Variants in RAB11FIP1 observed in about 807,000 individuals in gnomAD.
The protein encoded by RAB11FIP1 is RAB11 family interacting protein 1, also known as rab11 family-interacting protein 1.
RAB11FIP1 carries 49 observed loss-of-function variants against 83.1 expected under a neutral mutation model. The ratio of observed to expected loss-of-function variants is 0.59; its 90% confidence interval spans 0.47 to 0.75. RAB11FIP1 has a LOEUF of 0.75. Among genes scored for constraint, RAB11FIP1 ranks in the 30% least tolerant of loss-of-function variants. The pLI, the probability that RAB11FIP1 is intolerant of heterozygous loss-of-function variation, is 0.00. For missense variants in RAB11FIP1, 1,536 were observed against 1,598.7 expected (o/e 0.96, Z 0.67); for synonymous variants, 670 against 656.0 (o/e 1.02, Z -0.33).
Position 37,872,456 on chromosome 8 carries a change from AGG to A in RAB11FIP1, c.2344_2345del (p.Pro782PhefsTer3). 54 of 1,614,136 alleles carry A rather than the reference AGG, an allele frequency of 3.3e-5. No individual in the cohort carries two copies. The highest frequency in any genetic ancestry group is 4.6e-5 in the Non-Finnish European group (54 of 1,180,032). On this transcript the variant is annotated frameshift_variant, in exon 4 of 6. Transcript: ENST00000330843. LOFTEE classifies it high-confidence loss of function. Reference protein sequence around the residue: ...APPLPMGASVPSIDSMMRKLE... With the variant: ...APPLPMGASVXSIDSMMRKLE... ...GCTTCCGCATCATGGAATCAATGGA[AGG>A]GACTGATGCTCCCATGGGAAGAGGG...
intron 1 of RAB11FIP1, among the ~76,000 whole-genome samples, chr8:37,889,791 C>A (rs1040958022): frequency 6.6e-6 from 1 of 151,994 alleles, no homozygotes; most frequent in Admixed American, 6.6e-5. Flanking sequence ...ACACCAAAAG[C>A]ATTTCTTTTT....
Position 37,872,176 on chromosome 8 carries a change from C to T in RAB11FIP1, c.2626G>A (p.Gly876Ser). 1 of 1,614,000 alleles carries T rather than the reference C, an allele frequency of 6.2e-7. No homozygotes were observed. The highest frequency in any genetic ancestry group is 8.5e-7 in the Non-Finnish European group (1 of 1,179,986). Residue 876 changes from glycine to serine, a missense_variant, in exon 4 of 6, where the codon GGT (glycine) becomes AGT (serine). Transcript: ENST00000330843. ...TGATCCGCTGGGGAGGCTGGCGCACCACACGTCGCTGGCCCAGGTGTGGTC... is the reference window on the plus strand; with the variant it reads ...TGATCCGCTGGGGAGGCTGGCGCACTACACGTCGCTGGCCCAGGTGTGGTC... ...SVTTPGPATC[G>S]APASPADHLL... is the part of the protein sequence containing the mutation.
intron 5 of RAB11FIP1, among the ~76,000 whole-genome samples, chr8:37,864,931 CTTTTTT>C (rs10544799): frequency 6.9e-6 from 1 of 145,560 alleles, no homozygotes; most frequent in Admixed American, 6.8e-5. Flanking sequence ...TACTTAATGC[CTTTTTT>C]TTTTTTTTTT....
At chr8:37,890,072 T>A (rs1806915487) in intron 1 of RAB11FIP1, among the ~76,000 whole-genome samples, 1 of 152,212 alleles carries the variant, frequency 6.6e-6, no homozygotes, top group Non-Finnish European at 1.5e-5. Flanking sequence ...GGCATGAGCC[T>A]GGCCTCACCA....
chr8:37,861,812 C>T lies in RAB11FIP1; in HGVS notation c.*1083G>A. 2 of 325,730 alleles carry T rather than the reference C, an allele frequency of 6.1e-6. No individual in the cohort carries two copies. Among genetic ancestry groups the T allele is most frequent in the Non-Finnish European group, 1.2e-5 (2 of 168,008 alleles). 20.2% of individuals were successfully genotyped at this position (325,730 alleles called of 1,614,324 possible). ...CCATGTTGGTCAGGCTGGTCTCGAA[C>T]TCCTGACCTCAAGTGATCCACCCTC... is the stretch of plus-strand genomic sequence containing the variant. On this transcript the variant is annotated 3_prime_UTR_variant, in exon 6 of 6. Coordinates refer to ENST00000330843, the MANE Select transcript of RAB11FIP1 (RefSeq NM_001002814.3).
intron 3 of RAB11FIP1, among the ~76,000 whole-genome samples, chr8:37,874,295 T>C (rs971790244): frequency 6.6e-6 from 1 of 152,226 alleles, no homozygotes; most frequent in Non-Finnish European, 1.5e-5. Flanking sequence ...AGACCATGCC[T>C]GCTGGGCAGT....
At chr8:37,875,922 T>C (rs1236435264) in intron 2 of RAB11FIP1, among the ~76,000 whole-genome samples, 1 of 152,140 alleles carries the variant, frequency 6.6e-6, no homozygotes, top group Non-Finnish European at 1.5e-5. Flanking sequence ...TATACATTCT[T>C]AGAAACCAGA....
At position 37,872,006 on chromosome 8, in the gene RAB11FIP1, A is replaced by G; in HGVS notation, c.2796T>C (p.Gly932=). Residue 932 remains glycine (G), a synonymous_variant, in exon 4 of 6, where the codon GGT becomes GGC. Coordinates refer to ENST00000330843, the MANE Select transcript of RAB11FIP1 (RefSeq NM_001002814.3). The part of the protein sequence containing the change: ...QYQSKASDHE[G]LLSDPLSDLQ... The stretch of plus-strand genomic sequence containing the variant: ...GGTCACTCAAGGGGTCAGACAATAA[A>G]CCTTCGTGGTCACTGGCTTTGCTCT... The G allele has an allele frequency of 6.2e-7, 1 of 1,613,948 alleles. No individual in the cohort carries two copies. The highest frequency in any genetic ancestry group is 8.5e-7 in the Non-Finnish European group (1 of 1,179,982).
Position 37,872,004 on chromosome 8 carries a change from A to C in RAB11FIP1, c.2798T>G (p.Leu933Ter). 6.2e-7 allele frequency: 1 copy of C among 1,614,168 alleles called. No individual in the cohort carries two copies. The highest frequency in any genetic ancestry group is 8.5e-7 in the Non-Finnish European group (1 of 1,180,032). Residue 933 changes from leucine to a stop codon, truncating the protein, a stop_gained, in exon 4 of 6, where the codon TTA (leucine) becomes TGA (stop). Coordinates refer to ENST00000330843, the MANE Select transcript of RAB11FIP1 (RefSeq NM_001002814.3). LOFTEE classifies it high-confidence loss of function. ...YQSKASDHEGLLSDPLSDLQL... is the reference protein window; with the variant it reads ...YQSKASDHEG Reference sequence around the variant, plus strand: ...AAGGTCACTCAAGGGGTCAGACAATAAACCTTCGTGGTCACTGGCTTTGCT... The same window carrying C: ...AAGGTCACTCAAGGGGTCAGACAATCAACCTTCGTGGTCACTGGCTTTGCT...
rs143752122 is a variant in RAB11FIP1 at position 37,872,380 on chromosome 8, G to T, written c.2422C>A (p.Arg808Ser). 1 of 1,614,162 alleles carries T rather than the reference G, an allele frequency of 6.2e-7. No homozygotes were observed. The highest frequency in any genetic ancestry group is 8.5e-7 in the Non-Finnish European group (1 of 1,180,046). ...LRKDQKKTKKRVSFSEQLFTE... is the reference protein window; with the variant it reads ...LRKDQKKTKKSVSFSEQLFTE... ...AAGAGCTGCTCAGAAAATGACACAC[G>T]CTTCTTGGTTTTCTTCTGGTCCTTG... The change falls in exon 4 of 6, where the codon CGT becomes AGT. Residue 808 changes from arginine to serine, a missense_variant. Physicochemically the swap from Arg to Ser is moderately radical, Grantham distance 110 (BLOSUM62 -1). Transcript: ENST00000330843.
chr8:37,872,373 G>A lies in RAB11FIP1; in HGVS notation c.2429C>T (p.Ser810Leu). 2 of 1,614,212 alleles carry A rather than the reference G, an allele frequency of 1.2e-6. No individual in the cohort carries two copies. ...KDQKKTKKRV[S>L]FSEQLFTEEA... ...TTCCGTGAAGAGCTGCTCAGAAAAT[G>A]ACACACGCTTCTTGGTTTTCTTCTG... Residue 810 changes from serine to leucine, a missense_variant, in exon 4 of 6, where the codon TCA becomes TTA. By Grantham distance (145) the Ser-to-Leu change is moderately radical. Transcript: ENST00000330843.
chr8:37,877,685 G>A lies in RAB11FIP1; in HGVS notation c.372-134C>T, dbSNP rs540162839. Reference sequence around the variant, plus strand: ...GCATGCATTCTCATGCTTTCTCTTCGGGAAGTGGTAGATGAGAGCAGAATT... The same window carrying A: ...GCATGCATTCTCATGCTTTCTCTTCAGGAAGTGGTAGATGAGAGCAGAATT... On this transcript the variant is annotated intron_variant, in intron 1 of 5. Transcript: ENST00000330843. The A allele has an allele frequency of 2.3e-5, 14 of 597,258 alleles. No homozygotes were observed. The East Asian group carries it at 2.5e-4, about 11-fold the overall frequency. The allele number at this position is 597,258 out of a possible 1,614,324, so 37.0% of individuals were successfully genotyped here. A position where few individuals can be genotyped will look rare whatever the true frequency, so the allele number is the denominator to read the frequency against.
At position 37,871,301 on chromosome 8, in the gene RAB11FIP1, A is replaced by G; in HGVS notation, c.3501T>C (p.Ala1167=). The G allele has an allele frequency of 6.2e-7, 1 of 1,611,312 alleles. No homozygotes were observed. Among genetic ancestry groups the G allele is most frequent in the Non-Finnish European group, 8.5e-7 (1 of 1,178,968 alleles). The change falls in exon 4 of 6, where the codon GCT becomes GCC. Residue 1167 remains alanine, a synonymous_variant. Transcript: ENST00000330843. ...ACCTGTGCTTGGCTGACCCAGTTCC[A>G]GCGCCTGGCTGAGCTGAGACTGGAT... ...ETHPVSAQPG[A]GTGSAKHRLH...
At chr8:37,887,993 C>T (rs1806867147) in intron 1 of RAB11FIP1, among the ~76,000 whole-genome samples, 2 of 152,216 alleles carry the variant, frequency 1.3e-5, no homozygotes, top group Admixed American at 1.3e-4. Flanking sequence ...CACTGTATTA[C>T]TAACCACCCT....
At chr8:37,890,264 C>A (rs1023214831) in intron 1 of RAB11FIP1, among the ~76,000 whole-genome samples, 6 of 152,162 alleles carry the variant, frequency 3.9e-5, no homozygotes, top group African/African-American at 1.2e-4. Flanking sequence ...TAACCAGAGG[C>A]CTCTTTAGAC....
intron 1 of RAB11FIP1, among the ~76,000 whole-genome samples, chr8:37,883,883 T>C (rs1806771897): frequency 6.6e-6 from 1 of 152,200 alleles, no homozygotes; most frequent in Non-Finnish European, 1.5e-5. Context: ...AATCCCAATG[T>C]AGCAAGTTTA....
At chr8:37,886,109 G>A (rs554687187) in intron 1 of RAB11FIP1, among the ~76,000 whole-genome samples, 12 of 152,110 alleles carry the variant, frequency 7.9e-5, no homozygotes, top group Non-Finnish European at 1.5e-4. Context: ...TGATGCCTTC[G>A]GAGATTCAGT....
chr8:37,875,926 A>C (rs1806597096), intron 2 of RAB11FIP1, among the ~76,000 whole-genome samples: 1 of 152,170 alleles, frequency 6.6e-6, no homozygotes, highest in South Asian at 2.1e-4. Context: ...CATTCTTAGA[A>C]ACCAGAGGGT....
Position 37,899,156 on chromosome 8 carries a change from C to T in RAB11FIP1, c.286G>A (p.Ala96Thr), listed in dbSNP as rs1807160811. 3.2e-6 allele frequency: 5 copies of T among 1,548,266 alleles called. No homozygotes were observed. The highest frequency in any genetic ancestry group is 2.8e-5 in the African/African-American group (2 of 71,818). ...AGGAACTTGTCGAGGCCGAGCAGCG[C>T]GCGGTGCAGCACGGTGAGCTGCAGG... ...ATLQLTVLHR[A>T]LLGLDKFLGR... The change falls in exon 1 of 6, where the codon GCG becomes ACG. Residue 96 changes from alanine to threonine, a missense_variant. Coordinates refer to ENST00000330843, the MANE Select transcript of RAB11FIP1 (RefSeq NM_001002814.3). This position sits in a 1 kb window ranked among gnomAD's most constrained non-coding sequence, Gnocchi z 4.5.
Sources: allele counts gnomAD v4.1 joint callset (sites outside exome capture counted in the v4.1 genomes callset), GRCh38; gene constraint gnomAD v4.1.1; non-coding constraint Gnocchi (gnomAD v3.1); transcripts MANE v1.5; gene names NCBI Gene and HGNC (gene_info 2026-07-23, HGNC 2026-07-21).